Variants in KCNJ1 observed in about 807,000 individuals in gnomAD.
The protein encoded by KCNJ1 is ATP-sensitive inward rectifier potassium channel 1.
A neutral mutation model predicts 21.9 loss-of-function variants in KCNJ1; 24 were observed. The ratio of observed to expected loss-of-function variants is 1.10; its 90% CI spans 0.79 to 1.54. The LOEUF (loss-of-function observed/expected upper bound fraction) is 1.54. Among genes scored for constraint, KCNJ1 ranks in the 40% most tolerant of loss-of-function variants. KCNJ1 has a pLI of 0.00. For missense variants in KCNJ1, 457 were observed against 455.4 expected (o/e 1.00, Z -0.03); for synonymous variants, 152 against 160.9 (o/e 0.94, Z 0.42).
rs953912676 is a variant in KCNJ1, at chr11:128,840,056, G to A, written c.188C>T (p.Thr63Ile). 2 of 1,614,012 alleles carry A rather than the reference G, an allele frequency of 1.2e-6. No homozygotes were observed. Among genetic ancestry groups the A allele is most frequent in the East Asian group, 2.2e-5 (1 of 44,890 alleles). Residue 63 changes from threonine (T) to isoleucine (I), a missense_variant, in exon 3 of 3, where the codon ACC (threonine) becomes ATC (isoleucine). By Grantham distance (89) the Thr-to-Ile change is moderately conservative. Coordinates refer to ENST00000392666, the MANE Select transcript of KCNJ1 (RefSeq NM_153766.3). Reference protein sequence around the residue: ...VLDLKWRYKMTIFITAFLGSW... With the variant: ...VLDLKWRYKMIIFITAFLGSW... ...CCCCAAGAAGGCTGTGATGAAAATG[G>A]TCATTTTGTATCTCCACTTGAGGTC...
intron 1 of KCNJ1, among the ~76,000 whole-genome samples, chr11:128,864,885 C>A (rs990631386): frequency 6.6e-6 from 1 of 152,114 alleles, no homozygotes; most frequent in Non-Finnish European, 1.5e-5. Context: ...CTACTCTAGT[C>A]CACCTTGCAC....
chr11:128,863,698 G>C (rs2135963322), intron 1 of KCNJ1, among the ~76,000 whole-genome samples: 1 of 152,272 alleles, frequency 6.6e-6, no homozygotes, highest in East Asian at 1.9e-4. Context: ...CTTTTGGGTT[G>C]GGTTTTATAT....
At chr11:128,864,082 T>C in intron 1 of KCNJ1, among the ~76,000 whole-genome samples, 1 of 131,836 alleles carries the variant, frequency 7.6e-6, no homozygotes, top group Non-Finnish European at 1.6e-5. Context: ...CTCTTTTTTT[T>C]TTTTTTTTTT....
intron 1 of KCNJ1, among the ~76,000 whole-genome samples, chr11:128,864,019 A>G (rs1436870635): frequency 1.3e-5 from 2 of 150,096 alleles, no homozygotes; most frequent in African/African-American, 2.5e-5. Context: ...AGGTAACTTA[A>G]GGTTTGACCT....
At chr11:128,863,647 T>C (rs1591424107) in intron 1 of KCNJ1, among the ~76,000 whole-genome samples, 1 of 152,218 alleles carries the variant, frequency 6.6e-6, no homozygotes, top group African/African-American at 2.4e-5. Flanking sequence ...ACAATGATTG[T>C]TCAAAATTAG....
chr11:128,851,500 A>T (rs963693104), intron 1 of KCNJ1, among the ~76,000 whole-genome samples: 3 of 152,190 alleles, frequency 2.0e-5, no homozygotes, highest in Non-Finnish European at 4.4e-5. Context: ...AACTGTTCTT[A>T]AGTCTCATAT....
chr11:128,860,000 G>A (rs1296380247), intron 1 of KCNJ1, among the ~76,000 whole-genome samples: 4 of 152,190 alleles, frequency 2.6e-5, no homozygotes, highest in African/African-American at 7.2e-5. Flanking sequence ...CCTCCGCCGG[G>A]CCTCCCGCTT....
chr11:128,852,742 T>C (rs909118385), intron 1 of KCNJ1, among the ~76,000 whole-genome samples: 1 of 152,244 alleles, frequency 6.6e-6, no homozygotes, highest in African/African-American at 2.4e-5. Context: ...AACAGGACAC[T>C]GCCCGGGAGA....
At chr11:128,841,747 G>A (rs1173538761) in intron 2 of KCNJ1, among the ~76,000 whole-genome samples, 6 of 152,136 alleles carry the variant, frequency 3.9e-5, no homozygotes, top group Non-Finnish European at 8.8e-5. Flanking sequence ...AGAAGCCAAC[G>A]CCAAGTCGAA....
chr11:128,841,720 AC>A (rs1351888004), intron 2 of KCNJ1, among the ~76,000 whole-genome samples: 1 of 152,214 alleles, frequency 6.6e-6, no homozygotes, highest in Non-Finnish European at 1.5e-5. Context: ...CAAGGCCTTA[AC>A]CCAGCTGAAA....
chr11:128,866,948 G>A (rs1210372251), intron 1 of KCNJ1, among the ~76,000 whole-genome samples: 5 of 152,014 alleles, frequency 3.3e-5, no homozygotes, highest in Non-Finnish European at 1.5e-5. Context: ...CCCCAGGGCT[G>A]CGGAGTGACC....
chr11:128,860,394 C>A (rs1003594881), intron 1 of KCNJ1, among the ~76,000 whole-genome samples: 2 of 152,170 alleles, frequency 1.3e-5, no homozygotes, highest in Non-Finnish European at 2.9e-5. Flanking sequence ...GATATAAGTG[C>A]GTGACACTGC....
At chr11:128,848,575 T>C (rs10893926) in intron 2 of KCNJ1, among the ~76,000 whole-genome samples, 25,042 of 152,096 alleles carry the variant, frequency 0.16, 2,320 homozygotes, top group East Asian at 0.35. Flanking sequence ...CTCAGCTGTA[T>C]GAAGAAAGAC....
intron 1 of KCNJ1, among the ~76,000 whole-genome samples, chr11:128,859,169 G>A (rs1943650139): frequency 6.6e-6 from 1 of 152,238 alleles, no homozygotes; most frequent in Non-Finnish European, 1.5e-5. Context: ...GCGACCCCAT[G>A]AAGTAGGTCT....
intron 2 of KCNJ1, among the ~76,000 whole-genome samples, chr11:128,843,056 C>A (rs893853523): frequency 6.6e-6 from 1 of 152,180 alleles, no homozygotes; most frequent in African/African-American, 2.4e-5. Flanking sequence ...CTGGCATTTA[C>A]TGAAGGTGTT....
intron 1 of KCNJ1, among the ~76,000 whole-genome samples, chr11:128,852,765 G>A (rs1196190980): frequency 5.3e-5 from 8 of 152,244 alleles, no homozygotes; most frequent in Middle Eastern, 3.2e-3. Context: ...TCCCAGCTGC[G>A]TCCTCCAGCA....
chr11:128,866,636 T>C, intron 1 of KCNJ1: 2 of 459,048 alleles, frequency 4.4e-6, no homozygotes, highest in Non-Finnish European at 5.7e-6. Flanking sequence ...TTCAGAATGG[T>C]GCAAAATTCC....
At chr11:128,842,831 G>C (rs987365416) in intron 2 of KCNJ1, among the ~76,000 whole-genome samples, 3 of 152,060 alleles carry the variant, frequency 2.0e-5, no homozygotes, top group Non-Finnish European at 4.4e-5. Flanking sequence ...TCAATCTCCC[G>C]GCCTATTCTC....
chr11:128,839,368 C>A lies in KCNJ1; in HGVS notation c.876G>T (p.Arg292=). 2 of 1,614,160 alleles carry A rather than the reference C, an allele frequency of 1.2e-6. No individual in the cohort carries two copies. The change falls in exon 3 of 3, where the codon CGG becomes CGT. Residue 292 remains arginine (R), a synonymous_variant. Transcript: ENST00000392666. ...VESTSATCQV[R]TSYVPEEVLW... ...GCACCTCCTCTGGGACATAGGATGT[C>A]CGGACTTGGCAGGTAGCACTGGTGG...
Sources: gnomAD v4.1 joint callset for allele counts (sites outside exome capture counted in the v4.1 genomes callset) on GRCh38, gnomAD v4.1.1 for gene constraint, MANE v1.5 for transcripts, NCBI Gene and HGNC (gene_info 2026-07-23, HGNC 2026-07-21) for gene names.